TGS1: variants seen among roughly 807,000 people sequenced by gnomAD.
TGS1 encodes trimethylguanosine synthase 1, also known as trimethylguanosine synthase.
TGS1 carries 69 observed loss-of-function variants against 92.2 expected under a neutral mutation model. The observed-to-expected ratio is 0.75, with a 90% CI of 0.62 to 0.91. The LOEUF (loss-of-function observed/expected upper bound fraction) is 0.91, where lower values mean the gene tolerates loss of function less well. TGS1 is among the 40% of genes least tolerant of loss of function. The probability of loss-of-function intolerance (pLI) is 0.00; values close to 1 mark genes in which losing one functional copy is unlikely to be tolerated. For synonymous variants in TGS1, 345 were observed against 338.1 expected (o/e 1.02, Z -0.22); for missense variants, 1,062 against 1,001.2 (o/e 1.06, Z -0.82).
At chr8:55,815,321 A>C (rs1396503407) in intron 12 of TGS1, among the ~76,000 whole-genome samples, 1 of 152,184 alleles carries the variant, frequency 6.6e-6, no homozygotes, top group Non-Finnish European at 1.5e-5. Context: ...TTTCAAGTGT[A>C]TTAATTTTTT....
chr8:55,816,655 A>C (rs887528408), intron 12 of TGS1, among the ~76,000 whole-genome samples: 2 of 152,162 alleles, frequency 1.3e-5, no homozygotes, highest in African/African-American at 4.8e-5. Context: ...GAACTGTATC[A>C]TGTTAATTCC....
intron 5 of TGS1, among the ~76,000 whole-genome samples, chr8:55,791,174 C>T (rs1043680486): frequency 2.0e-5 from 3 of 152,184 alleles, no homozygotes; most frequent in African/African-American, 7.2e-5. Flanking sequence ...CAACTCTACT[C>T]GAAGCAGTGC....
At chr8:55,807,837 G>A (rs1803215564) in intron 10 of TGS1, among the ~76,000 whole-genome samples, 1 of 152,074 alleles carries the variant, frequency 6.6e-6, no homozygotes, top group South Asian at 2.1e-4. Context: ...ACAAGAAGCA[G>A]AGTTTTCATT....
chr8:55,811,362 C>T (rs571341816), intron 11 of TGS1, among the ~76,000 whole-genome samples: 5 of 151,612 alleles, frequency 3.3e-5, no homozygotes, highest in African/African-American at 7.3e-5. Context: ...CTCGGGAGGC[C>T]GAAGCACGAG....
intron 2 of TGS1, among the ~76,000 whole-genome samples, chr8:55,784,464 C>T (rs1054775335): frequency 6.6e-6 from 1 of 152,056 alleles, no homozygotes; most frequent in African/African-American, 2.4e-5. Context: ...CTACAGGCAC[C>T]ACCACACCAG....
chr8:55,799,081 T>C lies in TGS1; in HGVS notation c.1710T>C (p.Pro570=). 1 of 1,614,150 alleles carries C rather than the reference T, an allele frequency of 6.2e-7. No individual in the cohort carries two copies. The highest frequency in any genetic ancestry group is 8.5e-7 in the Non-Finnish European group (1 of 1,180,032). ...TACTGGAGACTAATAATCCAGAACC[T>C]GAAAAGTGTCAGAGCGTATCTTCAG... The part of the protein sequence containing the change: ...DDLLETNNPE[P]EKCQSVSSAG... Residue 570 remains proline (P), a synonymous_variant, in exon 8 of 13, where the codon CCT becomes CCC. Transcript: ENST00000260129.
At chr8:55,780,112 C>T (rs1226959329) in intron 1 of TGS1, among the ~76,000 whole-genome samples, 2 of 151,396 alleles carry the variant, frequency 1.3e-5, no homozygotes, top group Non-Finnish European at 2.9e-5. Context: ...CCACCTCAGC[C>T]TCCCAAAGTG....
chr8:55,790,396 C>T (rs1811846741), intron 5 of TGS1, 97 bp downstream of exon 5: 1 of 777,728 alleles, frequency 1.3e-6, no homozygotes, highest in Non-Finnish European at 2.2e-6. Flanking sequence ...TTCACAACAC[C>T]AGTAATCATG....
intron 7 of TGS1, among the ~76,000 whole-genome samples, chr8:55,798,652 C>G (rs1263668386): frequency 6.6e-6 from 1 of 152,166 alleles, no homozygotes; most frequent in African/African-American, 2.4e-5. Context: ...GCTTTATCCT[C>G]TTAGTATTTA....
At chr8:55,818,094 A>G (rs1803533873) in intron 12 of TGS1, among the ~76,000 whole-genome samples, 1 of 152,220 alleles carries the variant, frequency 6.6e-6, no homozygotes, top group Non-Finnish European at 1.5e-5. Context: ...CACTGACACA[A>G]TGTTCATTAC....
chr8:55,787,526 G>A (rs1811754243), intron 4 of TGS1, among the ~76,000 whole-genome samples: 1 of 152,164 alleles, frequency 6.6e-6, no homozygotes, highest in African/African-American at 2.4e-5. Context: ...TAACTGGAAT[G>A]GTTAATTTCA....
Position 55,773,582 on chromosome 8 carries a change from G to A in TGS1, c.-37G>A, listed in dbSNP as rs1248594580. The A allele has an allele frequency of 6.4e-7, 1 of 1,556,654 alleles. No individual in the cohort carries two copies. The highest frequency in any genetic ancestry group is 8.8e-7 in the Non-Finnish European group (1 of 1,140,866). ...AGCGGAGGCCCGGCAGGCGCGACCCGGGCTGCGTACGTCAGAGCTGCCTCC... is the reference window on the plus strand; with the variant it reads ...AGCGGAGGCCCGGCAGGCGCGACCCAGGCTGCGTACGTCAGAGCTGCCTCC... On this transcript the variant is annotated 5_prime_UTR_variant, in exon 1 of 13. Transcript: ENST00000260129.
intron 10 of TGS1, among the ~76,000 whole-genome samples, chr8:55,806,191 C>A (rs1179420275): frequency 1.4e-5 from 2 of 146,738 alleles, no homozygotes; most frequent in Non-Finnish European, 3.0e-5. Context: ...CCCCGTCTCT[C>A]CTAAAAATAC....
At chr8:55,789,176 C>G (rs1352469600) in intron 4 of TGS1, among the ~76,000 whole-genome samples, 1 of 152,122 alleles carries the variant, frequency 6.6e-6, no homozygotes, top group Non-Finnish European at 1.5e-5. Context: ...CTGAAAGAGT[C>G]AAAGCTTCCC....
intron 12 of TGS1, among the ~76,000 whole-genome samples, chr8:55,817,569 A>G (rs1803515629): frequency 5.9e-5 from 9 of 152,206 alleles, no homozygotes. Context: ...GTATCTGTGT[A>G]TTTAATAAAT....
At chr8:55,796,252 G>A (rs964831291) in intron 7 of TGS1, 100 bp downstream of exon 7, 12 of 872,302 alleles carry the variant, frequency 1.4e-5, no homozygotes, top group Non-Finnish European at 1.7e-5. Context: ...GTTTCTACCA[G>A]GTATCAAGGT....
chr8:55,795,628 AATATTTAT>A (rs894926351), intron 6 of TGS1, among the ~76,000 whole-genome samples: 18 of 152,314 alleles, frequency 1.2e-4, no homozygotes, highest in Admixed American at 6.5e-4. Context: ...CCACCTTGAA[AATATTTAT>A]ATATTTATAT....
intron 10 of TGS1, among the ~76,000 whole-genome samples, chr8:55,810,306 T>C (rs763398642): frequency 6.6e-6 from 1 of 152,276 alleles, no homozygotes; most frequent in Non-Finnish European, 1.5e-5. Context: ...AAAGTCCATT[T>C]GGTGAAAACA....
intron 1 of TGS1, among the ~76,000 whole-genome samples, chr8:55,774,486 CGT>C (rs1424213780): frequency 2.0e-5 from 3 of 152,052 alleles, no homozygotes; most frequent in Non-Finnish European, 2.9e-5. Context: ...TCATTTTTCT[CGT>C]GTAATTTTGT....
Sources: allele counts gnomAD v4.1 joint callset (sites outside exome capture counted in the v4.1 genomes callset), GRCh38; gene constraint gnomAD v4.1.1; transcripts MANE v1.5; gene names NCBI Gene and HGNC (gene_info 2026-07-23, HGNC 2026-07-21).